The following CFAP54 variants were observed in gnomAD, a reference collection of about 807,000 sequenced individuals.
CFAP54 encodes the protein cilia- and flagella-associated protein 54.
Under a neutral mutation model 370.4 loss-of-function variants are expected in CFAP54, and 290 were observed. That is an observed-to-expected ratio of 0.78 (90% CI 0.71 to 0.86). The LOEUF (loss-of-function observed/expected upper bound fraction) is 0.86. CFAP54 is among the 40% of genes least tolerant of loss of function. CFAP54 has a pLI of 0.00. For synonymous variants in CFAP54, 1,206 were observed against 1,236.5 expected (o/e 0.98, Z 0.52); for missense variants, 3,399 against 3,528.7 (o/e 0.96, Z 0.93).
chr12:96,784,687 G>C (rs1958612313), intron 60 of CFAP54, 30 bp from the exon 61 acceptor site: 1 of 1,435,330 alleles, frequency 7.0e-7, no homozygotes, highest in South Asian at 1.4e-5. Flanking sequence ...ATATAATATT[G>C]TATTACAAAA....
chr12:96,723,761 C>G (rs2136614120), intron 50 of CFAP54, among the ~76,000 whole-genome samples: 1 of 150,470 alleles, frequency 6.6e-6, no homozygotes, highest in Admixed American at 6.6e-5. Context: ...ATGTGCCATG[C>G]TGGTGTGCTG....
chr12:96,837,074 G>T (rs926473504), intron 66 of CFAP54, among the ~76,000 whole-genome samples: 2 of 152,074 alleles, frequency 1.3e-5, no homozygotes, highest in South Asian at 2.1e-4. Context: ...CTCCCATCTT[G>T]TTCCCCCAAA....
chr12:96,811,412 G>T (rs911821496), intron 63 of CFAP54, among the ~76,000 whole-genome samples: 9 of 152,178 alleles, frequency 5.9e-5, no homozygotes, highest in Non-Finnish European at 8.8e-5. Context: ...AAGGAACAAA[G>T]TTGGCTATTT....
Position 96,554,313 on chromosome 12 carries a change from A to T in CFAP54, c.2283+3A>T. 6.6e-7 allele frequency: 1 copy of T among 1,505,172 alleles called. No individual in the cohort carries two copies. The highest frequency in any genetic ancestry group is 2.3e-5 in the Admixed American group (1 of 42,826). 93.2% of individuals were successfully genotyped at this position (1,505,172 alleles called of 1,614,324 possible). On this transcript the variant is annotated splice_donor_region_variant and intron_variant, in intron 16 of 67. Coordinates refer to ENST00000524981, the MANE Select transcript of CFAP54 (RefSeq NM_001306084.2). ...TAATTGACCACTGCTATGCCAAGGT[A>T]AGAATGGAAGAGTCTTAAATTAGAT...
intron 49 of CFAP54, 59 bp downstream of exon 49, chr12:96,718,581 C>T: frequency 2.1e-6 from 2 of 947,254 alleles, no homozygotes; most frequent in Admixed American, 4.3e-5. Context: ...ACTATTAGGC[C>T]CTGGATGGGC....
At chr12:96,672,588 A>G (rs1957160327) in intron 39 of CFAP54, among the ~76,000 whole-genome samples, 1 of 152,212 alleles carries the variant, frequency 6.6e-6, no homozygotes, top group Admixed American at 6.5e-5. Context: ...AATGATAATC[A>G]GATTACCCCT....
At position 96,648,032 on chromosome 12, in the gene CFAP54, T is replaced by C. The variant is rs1322531310; in HGVS notation, c.4690+15T>C. 1 of 1,480,552 alleles carries C rather than the reference T, an allele frequency of 6.8e-7. No homozygotes were observed. Among genetic ancestry groups the C allele is most frequent in the African/African-American group, 1.4e-5 (1 of 69,862 alleles). The allele number at this position is 1,480,552 out of a possible 1,614,324, so 91.7% of individuals were successfully genotyped here. ...CTTACCATCAGGTAAAATAAACATG[T>C]TAGTTTATTATTAAATTACCTCTAG... On this transcript the variant is annotated intron_variant, in intron 34 of 67. Transcript: ENST00000524981.
At chr12:96,506,589 C>CTTT (rs71068809) in intron 3 of CFAP54, among the ~76,000 whole-genome samples, 1 of 130,880 alleles carries the variant, frequency 7.6e-6, no homozygotes, top group Non-Finnish European at 1.6e-5. Context: ...CTTTTCTTTT[C>CTTT]TTTTTTTTTT....
At chr12:96,583,190 T>C (rs1286522192) in intron 22 of CFAP54, among the ~76,000 whole-genome samples, 1 of 152,158 alleles carries the variant, frequency 6.6e-6, no homozygotes, top group Non-Finnish European at 1.5e-5. Flanking sequence ...ATTAGTTTAG[T>C]GTATCTGGAA....
chr12:96,712,452 A>G (rs1336739315), intron 48 of CFAP54, among the ~76,000 whole-genome samples: 4 of 152,114 alleles, frequency 2.6e-5, no homozygotes, highest in Non-Finnish European at 5.9e-5. Flanking sequence ...TTATATACAC[A>G]TAAAATGTGT....
At chr12:96,729,226 T>A (rs1396509133) in intron 50 of CFAP54, among the ~76,000 whole-genome samples, 1 of 152,160 alleles carries the variant, frequency 6.6e-6, no homozygotes, top group Non-Finnish European at 1.5e-5. Context: ...GACAGGGACA[T>A]TTAAGTCTGC....
At chr12:96,559,215 CA>C (rs1044629829) in intron 17 of CFAP54, among the ~76,000 whole-genome samples, 1 of 150,520 alleles carries the variant, frequency 6.6e-6, no homozygotes, top group Admixed American at 6.6e-5. Flanking sequence ...GGCTCCATCT[CA>C]AAAAAAAATT....
intron 26 of CFAP54, among the ~76,000 whole-genome samples, chr12:96,601,610 A>G (rs1472720873): frequency 6.6e-6 from 1 of 152,084 alleles, no homozygotes; most frequent in Admixed American, 6.5e-5. Flanking sequence ...TTGGTATGCT[A>G]TTAATTATTA....
intron 26 of CFAP54, among the ~76,000 whole-genome samples, chr12:96,606,383 G>C (rs1350640962): frequency 6.6e-6 from 1 of 152,154 alleles, no homozygotes; most frequent in Non-Finnish European, 1.5e-5. Flanking sequence ...ATTGTAAGAG[G>C]TCTATATAGC....
At chr12:96,643,908 C>T (rs1256047794) in intron 32 of CFAP54, among the ~76,000 whole-genome samples, 2 of 152,084 alleles carry the variant, frequency 1.3e-5, no homozygotes, top group Admixed American at 1.3e-4. Context: ...AAAATAAAAG[C>T]TCTGGTTGGT....
At chr12:96,684,958 TC>T (rs1391893403) in intron 41 of CFAP54, 70 bp from the exon 42 acceptor site, 1 of 1,459,962 alleles carries the variant, frequency 6.8e-7, no homozygotes, top group African/African-American at 1.4e-5. Flanking sequence ...GTATTTGCTT[TC>T]CCTTCTGGAA....
At chr12:96,537,612 G>T (rs1955520610) in intron 12 of CFAP54, among the ~76,000 whole-genome samples, 1 of 152,122 alleles carries the variant, frequency 6.6e-6, no homozygotes, top group Non-Finnish European at 1.5e-5. Flanking sequence ...AAAGTGCTGG[G>T]ATTATAGGTC....
At chr12:96,619,925 G>A (rs1247979636) in intron 26 of CFAP54, among the ~76,000 whole-genome samples, 1 of 151,934 alleles carries the variant, frequency 6.6e-6, no homozygotes, top group African/African-American at 2.4e-5. Flanking sequence ...ATTTATTTTG[G>A]CCGGACATGG....
In CFAP54 at chr12:96,756,475, A is replaced by C; in HGVS notation, c.7858A>C (p.Ile2620Leu). The C allele has an allele frequency of 6.3e-7, 1 of 1,598,748 alleles. No individual in the cohort carries two copies. The highest frequency in any genetic ancestry group is 2.2e-5 in the East Asian group (1 of 44,706). ...TCTTTCAGGCAAAATAGAACGTCAA[A>C]TACTAATGGAAGAGAAATCTCCAAG... ...LFQKGKIERQ[I>L]LMEEKSPSFQ... The change falls in exon 57 of 68, where the codon ATA becomes CTA. Residue 2620 changes from isoleucine (I) to leucine (L), a missense_variant. Ile to Leu is a conservative substitution (Grantham distance 5). Around this residue, in one of 3 missense-constraint regions of CFAP54, gnomAD observed 2,796 missense variants for 2,869.7 expected, o/e 0.97. Transcript: ENST00000524981.
Sources: gnomAD v4.1 joint callset for allele counts (sites outside exome capture counted in the v4.1 genomes callset) on GRCh38, gnomAD v4.1.1 for gene constraint, gnomAD v4.1.1 regional missense constraint, MANE v1.5 for transcripts, NCBI Gene and HGNC (gene_info 2026-07-23, HGNC 2026-07-21) for gene names.